The following RBFOX1 variants were observed in gnomAD, a reference collection of about 807,000 sequenced individuals.
RBFOX1 encodes the protein RNA binding fox-1 homolog 1, also known as RNA binding protein fox-1 homolog 1.
In RBFOX1, 8 loss-of-function variants were observed where a neutral mutation model predicts 57.7. The ratio of observed to expected loss-of-function variants is 0.14; its 90% CI spans 0.08 to 0.25. The LOEUF (loss-of-function observed/expected upper bound fraction) is 0.25, where lower values mean the gene tolerates loss of function less well. RBFOX1 is among the 10% of genes least tolerant of loss of function. RBFOX1 has a pLI of 1.00. For synonymous variants in RBFOX1, 326 were observed against 222.4 expected (o/e 1.47, Z -4.15); for missense variants, 611 against 548.5 (o/e 1.11, Z -1.14).
At chr16:7,254,726 C>G (rs546554818) in intron 4 of RBFOX1, among the ~76,000 whole-genome samples, 38 of 152,084 alleles carry the variant, frequency 2.5e-4, no homozygotes, top group African/African-American at 7.7e-4. Flanking sequence ...TGTTATTATC[C>G]TAAAACTAAA....
chr16:6,413,458 C>T (rs1361688469), intron 2 of RBFOX1, among the ~76,000 whole-genome samples: 1 of 152,076 alleles, frequency 6.6e-6, no homozygotes, highest in Non-Finnish European at 1.5e-5. Flanking sequence ...GCCACTGTGT[C>T]CAGCCAAAAT....
intron 1 of RBFOX1, among the ~76,000 whole-genome samples, chr16:6,229,356 T>A (rs1264710987): frequency 2.0e-5 from 3 of 152,216 alleles, no homozygotes; most frequent in African/African-American, 7.2e-5. Flanking sequence ...AAACTAGATC[T>A]CTCCTGCCAC....
At chr16:7,599,261 T>C (rs1027126575) in intron 9 of RBFOX1, among the ~76,000 whole-genome samples, 4 of 152,198 alleles carry the variant, frequency 2.6e-5, no homozygotes, top group Admixed American at 2.0e-4. Context: ...CGGTTGGGCA[T>C]AGTCTTTAAT....
chr16:6,573,940 C>T (rs1233700238), intron 2 of RBFOX1: 1 of 152,216 alleles, frequency 6.6e-6, no homozygotes, highest in African/African-American at 2.4e-5. Flanking sequence ...ATACTGGCCT[C>T]CCTCGAGGTT....
At chr16:5,844,813 C>G (rs2056711501) in intron 3 of RBFOX1, among the ~76,000 whole-genome samples, 1 of 152,166 alleles carries the variant, frequency 6.6e-6, no homozygotes. Context: ...GGAGCCAACA[C>G]AAAGGCGGTT....
Position 7,446,260 on chromosome 16 carries a change from T to C in RBFOX1, c.28-71887T>C, listed in dbSNP as rs577215764. ...CCATGCGAATTGACAGGAAGGAGGA[T>C]ATTTTAGTTCCTTCTATGATTGAGT... On this transcript the variant is annotated intron_variant, in intron 4 of 15. Transcript: ENST00000550418. Among the ~76,000 whole-genome samples, 3 of 152,378 alleles carry C rather than the reference T, an allele frequency of 2.0e-5. No homozygotes were observed. In the South Asian group the frequency reaches 6.2e-4, roughly 32 times the overall value.
chr16:6,508,722 C>G (rs182592143), intron 2 of RBFOX1, among the ~76,000 whole-genome samples: 4 of 152,224 alleles, frequency 2.6e-5, no homozygotes, highest in African/African-American at 7.2e-5. Context: ...CTAAAATTCT[C>G]TACGCCTAAA....
At chr16:5,304,760 G>C (rs1385745953) in intron 1 of RBFOX1, among the ~76,000 whole-genome samples, 1 of 152,136 alleles carries the variant, frequency 6.6e-6, no homozygotes, top group Non-Finnish European at 1.5e-5. Context: ...AGCGATGAAG[G>C]AAATAATTTC....
At chr16:6,119,460 G>T (rs372092151) in intron 1 of RBFOX1, among the ~76,000 whole-genome samples, 5 of 152,156 alleles carry the variant, frequency 3.3e-5, no homozygotes, top group Non-Finnish European at 7.4e-5. Context: ...TTCATGGTAA[G>T]ATTGTTTTTA....
intron 4 of RBFOX1, among the ~76,000 whole-genome samples, chr16:7,257,138 T>C (rs1173549848): frequency 2.6e-5 from 4 of 152,150 alleles, no homozygotes; most frequent in Admixed American, 6.5e-5. Context: ...CGAAATTGCC[T>C]TCGGAAAACC....
chr16:6,521,214 A>G (rs553086110), intron 2 of RBFOX1, among the ~76,000 whole-genome samples: 1 of 152,156 alleles, frequency 6.6e-6, no homozygotes, highest in Non-Finnish European at 1.5e-5. Flanking sequence ...GCAAATAGAC[A>G]TTATGACAGG....
chr16:6,958,420 C>T (rs1172816102), intron 3 of RBFOX1, among the ~76,000 whole-genome samples: 2 of 152,122 alleles, frequency 1.3e-5, no homozygotes, highest in East Asian at 3.9e-4. Context: ...GATCGGGTAT[C>T]ATTAATAAAG....
intron 4 of RBFOX1, among the ~76,000 whole-genome samples, chr16:6,002,137 A>C (rs2060612439): frequency 6.6e-6 from 1 of 151,968 alleles, no homozygotes; most frequent in Non-Finnish European, 1.5e-5. Flanking sequence ...ATGCCCGGCT[A>C]ATTAAAAGAT....
At chr16:5,417,322 A>G (rs2067187778) in intron 1 of RBFOX1, among the ~76,000 whole-genome samples, 1 of 152,238 alleles carries the variant, frequency 6.6e-6, no homozygotes. Context: ...CAGTGAAAAC[A>G]GGCTAGGGAG....
chr16:7,262,607 G>A (rs2094960943), intron 4 of RBFOX1, among the ~76,000 whole-genome samples: 1 of 152,370 alleles, frequency 6.6e-6, no homozygotes, highest in Admixed American at 6.5e-5. Flanking sequence ...TGTGGCTGCT[G>A]CAGTCTCTGG....
intron 2 of RBFOX1, among the ~76,000 whole-genome samples, chr16:6,338,763 C>G (rs781106757): frequency 6.6e-6 from 1 of 152,192 alleles, no homozygotes; most frequent in Non-Finnish European, 1.5e-5. Context: ...ACTTCTCAAA[C>G]CAGGTGACCA....
intron 4 of RBFOX1, among the ~76,000 whole-genome samples, chr16:7,114,714 T>C (rs2065508388): frequency 6.6e-6 from 1 of 152,224 alleles, no homozygotes; most frequent in Non-Finnish European, 1.5e-5. Context: ...TTTTCCTTTC[T>C]ACGCTCATGA....
At chr16:6,871,933 G>GTGTA (rs1389763861) in intron 3 of RBFOX1, among the ~76,000 whole-genome samples, 1 of 149,966 alleles carries the variant, frequency 6.7e-6, no homozygotes, top group East Asian at 2.0e-4. Context: ...GTGTGTGTGT[G>GTGTA]TGTGTGTGTG....
intron 2 of RBFOX1, among the ~76,000 whole-genome samples, chr16:6,445,675 T>TGG (rs945562241): frequency 2.0e-5 from 3 of 146,764 alleles, no homozygotes; most frequent in Non-Finnish European, 4.5e-5. Context: ...CTCCACCCCC[T>TGG]GGGTTCAAGC....
Sources: gnomAD v4.1 joint callset for allele counts (sites outside exome capture counted in the v4.1 genomes callset) on GRCh38, gnomAD v4.1.1 for gene constraint, MANE v1.5 for transcripts, NCBI Gene and HGNC (gene_info 2026-07-23, HGNC 2026-07-21) for gene names.